ZMYM4: variants seen among roughly 807,000 people sequenced by gnomAD.
ZMYM4 encodes the protein zinc finger MYM-type protein 4.
Under a neutral mutation model 183.2 loss-of-function variants are expected in ZMYM4, and 31 were observed. The ratio of observed to expected loss-of-function variants is 0.17; its 90% CI spans 0.13 to 0.23. The LOEUF (loss-of-function observed/expected upper bound fraction) is 0.23, where lower values mean the gene tolerates loss of function less well. ZMYM4 is among the 10% of genes least tolerant of loss of function. ZMYM4 has a pLI of 1.00. For missense variants in ZMYM4, 1,273 were observed against 1,840.3 expected (o/e 0.69, Z 5.64); for synonymous variants, 592 against 631.2 (o/e 0.94, Z 0.93).
intron 28 of ZMYM4, among the ~76,000 whole-genome samples, chr1:35,417,933 C>G (rs1570564797): frequency 6.6e-6 from 1 of 151,940 alleles, no homozygotes; most frequent in Admixed American, 6.6e-5. Flanking sequence ...AATCCTTGAA[C>G]CTGGGTGGAG....
intron 1 of ZMYM4, among the ~76,000 whole-genome samples, chr1:35,278,479 G>A (rs1639983594): frequency 6.8e-6 from 1 of 147,794 alleles, no homozygotes; most frequent in South Asian, 2.1e-4. Flanking sequence ...AGGCTGGAGT[G>A]TAGTGGCAGA....
chr1:35,405,496 T>G, intron 25 of ZMYM4, 28 bp downstream of exon 25: 2 of 1,496,420 alleles, frequency 1.3e-6, no homozygotes, highest in Non-Finnish European at 1.8e-6. Flanking sequence ...CCATTTGGTA[T>G]GAATTATTTA....
chr1:35,280,143 T>C (rs1640074414), intron 1 of ZMYM4, among the ~76,000 whole-genome samples: 1 of 151,558 alleles, frequency 6.6e-6, no homozygotes, highest in African/African-American at 2.4e-5. Context: ...TCTCTCTCTC[T>C]CTTTCTTTCT....
At chr1:35,351,392 A>G (rs899872140) in intron 2 of ZMYM4, 12 of 1,572,736 alleles carry the variant, frequency 7.6e-6, no homozygotes, top group Non-Finnish European at 1.0e-5. Flanking sequence ...AGTTCTCTCA[A>G]TACATAAAGA....
At chr1:35,382,581 T>G (rs1644489326) in intron 9 of ZMYM4, among the ~76,000 whole-genome samples, 1 of 151,790 alleles carries the variant, frequency 6.6e-6, no homozygotes, top group African/African-American at 2.4e-5. Context: ...TAGCTAGGAT[T>G]ACAGGCGCCC....
intron 23 of ZMYM4, among the ~76,000 whole-genome samples, chr1:35,401,422 G>A (rs569040609): frequency 1.3e-5 from 2 of 152,220 alleles, no homozygotes; most frequent in South Asian, 2.1e-4. Context: ...TGCCATTCAT[G>A]TGTCTTCTTT....
intron 25 of ZMYM4, among the ~76,000 whole-genome samples, chr1:35,407,622 C>CT (rs1392171147): frequency 6.6e-6 from 1 of 152,140 alleles, no homozygotes. Flanking sequence ...TTTGTGGACT[C>CT]TACTTTGGGA....
chr1:35,375,469 ATAGTCTATGTAGT>A (rs1230742253), intron 7 of ZMYM4, among the ~76,000 whole-genome samples: 1 of 152,190 alleles, frequency 6.6e-6, no homozygotes. Context: ...GTTTCTCTAC[ATAGTCTATGTAGT>A]CAAACAGGTT....
At chr1:35,380,314 T>A (rs557829644) in intron 7 of ZMYM4, among the ~76,000 whole-genome samples, 2,912 of 151,290 alleles carry the variant, frequency 0.019, 46 homozygotes, top group African/African-American at 0.034. Flanking sequence ...TATTTATTTA[T>A]TTTATTTATT....
Position 35,327,968 on chromosome 1 carries a change from T to C in ZMYM4, c.85+2563T>C, listed in dbSNP as rs536946518. ...CTCTTGGAAGGCATGCCTCTGTCAC[T>C]ACTCACTTTCGCCAAATAATGTTTG... On this transcript the variant is annotated intron_variant, in intron 2 of 29. Coordinates refer to ENST00000314607, the MANE Select transcript of ZMYM4 (RefSeq NM_005095.3). Among the ~76,000 whole-genome samples the C allele has an allele frequency of 2.0e-5, 3 of 152,320 alleles. No homozygotes were observed. The South Asian group carries it at 6.2e-4, about 32-fold the overall frequency.
At chr1:35,386,212 C>T in intron 11 of ZMYM4, 23 bp downstream of exon 11, 2 of 1,562,692 alleles carry the variant, frequency 1.3e-6, no homozygotes, top group Non-Finnish European at 8.8e-7. Context: ...GAACCTTCCT[C>T]TTCTTCAGTC....
chr1:35,419,723 A>G lies in ZMYM4; in HGVS notation c.*46A>G. On this transcript the variant is annotated 3_prime_UTR_variant, in exon 30 of 30. Transcript: ENST00000314607. ...TTTCATACATATTGGTATGCACCAA[A>G]CTGTGAATGCATCCAGCTGTTGGAA... is the stretch of plus-strand genomic sequence containing the variant. 6.3e-7 allele frequency: 1 copy of G among 1,576,468 alleles called. No homozygotes were observed. The highest frequency in any genetic ancestry group is 8.7e-7 in the Non-Finnish European group (1 of 1,148,320).
intron 25 of ZMYM4, among the ~76,000 whole-genome samples, chr1:35,406,729 C>A (rs1450440277): frequency 6.6e-6 from 1 of 152,098 alleles, no homozygotes; most frequent in African/African-American, 2.4e-5. Flanking sequence ...CAAACATGGT[C>A]GGTGCTCTCA....
chr1:35,324,018 T>C (rs924276226), intron 1 of ZMYM4, among the ~76,000 whole-genome samples: 1 of 152,192 alleles, frequency 6.6e-6, no homozygotes, highest in Non-Finnish European at 1.5e-5. Context: ...ACCTGCACTA[T>C]CATTTAAAAA....
Position 35,370,476 on chromosome 1 carries a change from T to A in ZMYM4, c.1030T>A (p.Cys344Ser). ...AGCTGTTCGAGTTTCCTGTTCTGGT[T>A]GTAAAAAAATCCTCCAGAAGGGGCA... ...ATAVRVSCSG[C>S]KKILQKGQTA... The change falls in exon 7 of 30, where the codon TGT becomes AGT. Residue 344 changes from cysteine to serine, a missense_variant. By Grantham distance (112) the Cys-to-Ser change is moderately radical. Around this residue, in one of 6 missense-constraint regions of ZMYM4, gnomAD observed 384 missense variants for 465.6 expected, o/e 0.82. Transcript: ENST00000314607. The A allele has an allele frequency of 6.2e-7, 1 of 1,613,274 alleles. No homozygotes were observed. The highest frequency in any genetic ancestry group is 8.5e-7 in the Non-Finnish European group (1 of 1,179,836).
chr1:35,359,835 A>T (rs1422034023), intron 3 of ZMYM4, among the ~76,000 whole-genome samples: 1 of 151,838 alleles, frequency 6.6e-6, no homozygotes, highest in Non-Finnish European at 1.5e-5. Flanking sequence ...GAGTTATTTT[A>T]TTTTTTTAAT....
intron 16 of ZMYM4, 89 bp downstream of exon 16, chr1:35,392,441 A>G: frequency 1.4e-6 from 2 of 1,470,556 alleles, no homozygotes; most frequent in Non-Finnish European, 1.8e-6. Flanking sequence ...TTATTTTCAT[A>G]CATTTGACAC....
intron 22 of ZMYM4, 67 bp downstream of exon 22, chr1:35,399,110 A>G: frequency 1.3e-6 from 2 of 1,493,948 alleles, no homozygotes; most frequent in Non-Finnish European, 9.2e-7. Flanking sequence ...CTCTGAATTG[A>G]CACTATTAAG....
At chr1:35,269,809 C>T (rs1031602579) in intron 1 of ZMYM4, among the ~76,000 whole-genome samples, 1 of 152,182 alleles carries the variant, frequency 6.6e-6, no homozygotes, top group African/African-American at 2.4e-5. Flanking sequence ...TAAAGTTTGT[C>T]TGGAAACTTT....
Sources: allele counts gnomAD v4.1 joint callset (sites outside exome capture counted in the v4.1 genomes callset), GRCh38; gene constraint gnomAD v4.1.1; regional missense constraint gnomAD v4.1.1; transcripts MANE v1.5; gene names NCBI Gene and HGNC (gene_info 2026-07-23, HGNC 2026-07-21).